The following UTP11 variants were observed in gnomAD, a reference collection of about 807,000 sequenced individuals.
The protein encoded by UTP11 is probable U3 small nucleolar RNA-associated protein 11.
A neutral mutation model predicts 39.0 loss-of-function variants in UTP11; 29 were observed. That is an observed-to-expected ratio of 0.74 (90% CI 0.55 to 1.01). UTP11 has a LOEUF of 1.01. UTP11 is among the 50% of genes least tolerant of loss of function. The pLI is 0.00. For synonymous variants in UTP11, 111 were observed against 105.0 expected (o/e 1.06, Z -0.35); for missense variants, 281 against 306.0 (o/e 0.92, Z 0.61).
chr1:38,018,036 T>A (rs779881296), intron 3 of UTP11, among the ~76,000 whole-genome samples: 3 of 152,100 alleles, frequency 2.0e-5, no homozygotes, highest in Non-Finnish European at 4.4e-5. Flanking sequence ...GGGGCCTGTG[T>A]CTAGGATTGC....
At chr1:38,018,993 GTT>G (rs200532400) in intron 4 of UTP11, 64 bp from the exon 5 acceptor site, 6,071 of 1,083,032 alleles carry the variant, frequency 5.6e-3, no homozygotes, top group South Asian at 6.9e-3. Flanking sequence ...AACTTTTGCA[GTT>G]TTTTTTTTTT....
chr1:38,016,306 A>G (rs1646706802), intron 1 of UTP11, 53 bp from the exon 2 acceptor site: 5 of 1,569,502 alleles, frequency 3.2e-6, no homozygotes, highest in African/African-American at 1.4e-5. Flanking sequence ...GTTGATTTGG[A>G]TATGTGTTTG....
In UTP11 at chr1:38,023,608, C is replaced by G; in HGVS notation, c.742C>G (p.Gln248Glu). 6.2e-7 allele frequency: 1 copy of G among 1,610,346 alleles called. No homozygotes were observed. Among genetic ancestry groups the G allele is most frequent in the Non-Finnish European group, 8.5e-7 (1 of 1,178,536 alleles). Residue 248 changes from glutamine to glutamate, a missense_variant, in exon 8 of 8, where the codon CAG becomes GAG. By Grantham distance (29) the Gln-to-Glu change is conservative (BLOSUM62 2). Transcript: ENST00000373014. ...TVNSPAIYKF[Q>E]SRRKR ...GAACTCCCCAGCTATTTATAAATTT[C>G]AGAGTCGTCGAAAACGTTGACGTGT...
intron 1 of UTP11, among the ~76,000 whole-genome samples, chr1:38,014,872 G>C (rs1183704529): frequency 6.6e-6 from 1 of 151,866 alleles, no homozygotes; most frequent in Non-Finnish European, 1.5e-5. Flanking sequence ...TCGAACTCCT[G>C]GGCTCAAGTG....
chr1:38,023,464 G>C, intron 7 of UTP11, 81 bp from the exon 8 acceptor site: 1 of 1,257,874 alleles, frequency 7.9e-7, no homozygotes, highest in South Asian at 1.4e-5. Context: ...TGAAGCAGGT[G>C]CTAATAGGTA....
At chr1:38,017,815 G>A (rs1315849574) in intron 3 of UTP11, 45 bp downstream of exon 3, 3 of 1,477,672 alleles carry the variant, frequency 2.0e-6, no homozygotes, top group Non-Finnish European at 2.8e-6. Flanking sequence ...TCCACACATT[G>A]GAAAATAAGG....
At chr1:38,016,559 A>G (rs1646708066) in intron 2 of UTP11, 139 bp downstream of exon 2, 2 of 833,204 alleles carry the variant, frequency 2.4e-6, no homozygotes, top group Admixed American at 2.2e-5. Context: ...AGCCTGTCAG[A>G]TAATTTTTTC....
chr1:38,015,083 T>G (rs1487860001), intron 1 of UTP11, among the ~76,000 whole-genome samples: 2 of 152,156 alleles, frequency 1.3e-5, no homozygotes, highest in Non-Finnish European at 2.9e-5. Context: ...AGTGCGATGG[T>G]GTGATCTTGG....
intron 2 of UTP11, 187 bp downstream of exon 2, chr1:38,016,607 T>C: frequency 1.7e-6 from 1 of 593,596 alleles, no homozygotes; most frequent in Non-Finnish European, 3.0e-6. Flanking sequence ...AGGCAGATCA[T>C]TATTTATTTA....
intron 1 of UTP11, among the ~76,000 whole-genome samples, chr1:38,014,162 G>A (rs1432969997): frequency 6.6e-6 from 1 of 152,240 alleles, no homozygotes; most frequent in East Asian, 1.9e-4. Context: ...TGCTTAAAGA[G>A]ATTGAATAGT....
At chr1:38,013,894 T>C (rs1244412150) in intron 1 of UTP11, among the ~76,000 whole-genome samples, 2 of 152,204 alleles carry the variant, frequency 1.3e-5, no homozygotes, top group Non-Finnish European at 2.9e-5. Context: ...TTTGTATTTT[T>C]AGTAGAGACG....
At chr1:38,013,039 G>T (rs1239285968) in intron 1 of UTP11, among the ~76,000 whole-genome samples, 174 bp downstream of exon 1, 2 of 152,244 alleles carry the variant, frequency 1.3e-5, no homozygotes, top group African/African-American at 4.8e-5. Flanking sequence ...ACGAGTGGAG[G>T]GGATTTGTCG....
In UTP11 at chr1:38,018,535, G is replaced by C. The variant is rs747836027; in HGVS notation, c.300G>C (p.Gln100His). ...AACAACTAAAGCTGATGAGAACTCA[G>C]GACGTCAAATATATAGAAATGAAGA... ...TPEQLKLMRT[Q>H]DVKYIEMKRV... is the part of the protein sequence containing the mutation. The change falls in exon 4 of 8, where the codon CAG (glutamine) becomes CAC (histidine). Residue 100 changes from glutamine to histidine, a missense_variant. By Grantham distance (24) the Gln-to-His change is conservative. Coordinates refer to ENST00000373014, the MANE Select transcript of UTP11 (RefSeq NM_016037.4). 3 of 1,613,880 alleles carry C rather than the reference G, an allele frequency of 1.9e-6. No homozygotes were observed. The highest frequency in any genetic ancestry group is 2.5e-6 in the Non-Finnish European group (3 of 1,179,896).
At chr1:38,019,014 C>G (rs199723546) in intron 4 of UTP11, 45 bp from the exon 5 acceptor site, 78 of 1,448,186 alleles carry the variant, frequency 5.4e-5, no homozygotes, top group Non-Finnish European at 7.2e-5. Context: ...TTTTTGGTAC[C>G]CTAGAAGAAT....
chr1:38,019,894 T>C (rs1444020278), intron 6 of UTP11, among the ~76,000 whole-genome samples: 2 of 152,158 alleles, frequency 1.3e-5, no homozygotes, highest in East Asian at 3.8e-4. Flanking sequence ...ATTTCTATGA[T>C]CGGAGGAGGT....
intron 6 of UTP11, among the ~76,000 whole-genome samples, chr1:38,021,563 A>G (rs1646737680): frequency 6.6e-6 from 1 of 152,204 alleles, no homozygotes; most frequent in Non-Finnish European, 1.5e-5. Flanking sequence ...ATGTGCTTGC[A>G]CAACCTTTTA....
intron 1 of UTP11, 66 bp from the exon 2 acceptor site, chr1:38,016,293 C>T (rs893608333): frequency 6.7e-6 from 10 of 1,503,498 alleles, no homozygotes; most frequent in Middle Eastern, 1.7e-4. Flanking sequence ...TGTTAGATGT[C>T]GTGTTGATTT....
chr1:38,023,769 C>G lies in UTP11; in HGVS notation c.*141C>G. 1 of 586,634 alleles carries G rather than the reference C, an allele frequency of 1.7e-6. No homozygotes were observed. Among genetic ancestry groups the G allele is most frequent in the Admixed American group, 3.9e-5 (1 of 25,856 alleles). The allele number at this position is 586,634 out of a possible 1,614,324, so 36.3% of individuals were successfully genotyped here. On this transcript the variant is annotated 3_prime_UTR_variant, in exon 8 of 8. Transcript: ENST00000373014. ...TGTCAGTCTGACATTTAATGTCTTT[C>G]TATGGACAACATTAAATCTCCCTCC...
At position 38,018,474 on chromosome 1, in the gene UTP11, ATAT is replaced by A. The variant is rs1465183233; in HGVS notation, c.245_247del (p.Ile82del). ...AAATTTGGATTTTAGGATGGAGTAC[ATAT>A]TATTAAGGAGACTAAGGAAGAAGTA... On this transcript the variant is annotated inframe_deletion, in exon 4 of 8. Coordinates refer to ENST00000373014, the MANE Select transcript of UTP11 (RefSeq NM_016037.4). 4 of 1,609,732 alleles carry A rather than the reference ATAT, an allele frequency of 2.5e-6. No individual in the cohort carries two copies. Among genetic ancestry groups the A allele is most frequent in the Non-Finnish European group, 3.4e-6 (4 of 1,177,760 alleles).
Sources: allele counts gnomAD v4.1 joint callset (sites outside exome capture counted in the v4.1 genomes callset), GRCh38; gene constraint gnomAD v4.1.1; transcripts MANE v1.5; gene names NCBI Gene and HGNC (gene_info 2026-07-23, HGNC 2026-07-21).